TRIM44: variants seen among roughly 807,000 people sequenced by gnomAD.
The protein encoded by TRIM44 is tripartite motif containing 44, also known as tripartite motif-containing protein 44.
In TRIM44, 13 loss-of-function variants were observed where a neutral mutation model predicts 37.4. That is an observed-to-expected ratio of 0.35 (90% CI 0.23 to 0.55). The LOEUF (loss-of-function observed/expected upper bound fraction) is 0.55, where lower values mean the gene tolerates loss of function less well. Ranked by LOEUF, TRIM44 falls within the 20% of genes least tolerant of loss-of-function variation. The pLI is 0.89. For missense variants in TRIM44, 426 were observed against 437.2 expected (o/e 0.97, Z 0.23); for synonymous variants, 175 against 157.2 (o/e 1.11, Z -0.85).
intron 3 of TRIM44, among the ~76,000 whole-genome samples, chr11:35,727,064 A>C (rs1191848462): frequency 1.3e-5 from 2 of 151,792 alleles, no homozygotes; most frequent in Non-Finnish European, 2.9e-5. Context: ...CAGGAGAGGT[A>C]GGAAGATTAC....
intron 2 of TRIM44, among the ~76,000 whole-genome samples, chr11:35,705,307 A>T (rs1433660398): frequency 2.0e-5 from 3 of 152,150 alleles, no homozygotes; most frequent in African/African-American, 7.2e-5. Context: ...CCACACAATA[A>T]TAATGGGAGA....
chr11:35,730,105 G>T (rs921814997), intron 3 of TRIM44, among the ~76,000 whole-genome samples: 1 of 152,318 alleles, frequency 6.6e-6, no homozygotes, highest in Non-Finnish European at 1.5e-5. Flanking sequence ...GAATGTTTCA[G>T]TGAGCAATTA....
chr11:35,743,873 A>G (rs1852449424), intron 4 of TRIM44, among the ~76,000 whole-genome samples: 1 of 152,202 alleles, frequency 6.6e-6, no homozygotes, highest in Non-Finnish European at 1.5e-5. Context: ...TTTCCTCAAG[A>G]TGCCTAATTC....
intron 4 of TRIM44, among the ~76,000 whole-genome samples, chr11:35,797,638 A>G (rs1853310696): frequency 6.6e-6 from 1 of 152,216 alleles, no homozygotes; most frequent in African/African-American, 2.4e-5. Flanking sequence ...GCCCATAACC[A>G]TGGGCTAATT....
intron 4 of TRIM44, among the ~76,000 whole-genome samples, chr11:35,741,267 T>G (rs1483641287): frequency 6.6e-6 from 1 of 152,174 alleles, no homozygotes; most frequent in Non-Finnish European, 1.5e-5. Flanking sequence ...TGACCTTATT[T>G]TTCCATGCTA....
At chr11:35,730,926 T>C (rs1401498486) in intron 3 of TRIM44, among the ~76,000 whole-genome samples, 1 of 150,894 alleles carries the variant, frequency 6.6e-6, no homozygotes, top group African/African-American at 2.4e-5. Flanking sequence ...CTCGGCTCAC[T>C]GCAGATATTA....
intron 3 of TRIM44, among the ~76,000 whole-genome samples, chr11:35,727,803 C>T (rs1332000896): frequency 6.6e-6 from 1 of 152,210 alleles, no homozygotes; most frequent in Non-Finnish European, 1.5e-5. Context: ...TACTATAAGA[C>T]ATATGCTAAG....
intron 2 of TRIM44, among the ~76,000 whole-genome samples, chr11:35,692,651 G>A (rs569383519): frequency 1.3e-5 from 2 of 152,212 alleles, no homozygotes; most frequent in South Asian, 2.1e-4. Flanking sequence ...AGGGCCAGGT[G>A]CGGTGGCTCA....
intron 4 of TRIM44, among the ~76,000 whole-genome samples, chr11:35,794,515 C>T (rs1002995521): frequency 7.9e-5 from 12 of 152,198 alleles, no homozygotes; most frequent in Admixed American, 1.3e-4. Context: ...CCATGGGCCA[C>T]GCCATCCTTT....
At chr11:35,699,751 A>G (rs1427796784) in intron 2 of TRIM44, among the ~76,000 whole-genome samples, 3 of 151,996 alleles carry the variant, frequency 2.0e-5, no homozygotes, top group South Asian at 2.1e-4. Flanking sequence ...CAACTTCAGC[A>G]AAGTCTCAGG....
chr11:35,757,765 T>A (rs1474262941), intron 4 of TRIM44, among the ~76,000 whole-genome samples: 2 of 152,222 alleles, frequency 1.3e-5, no homozygotes, highest in African/African-American at 4.8e-5. Context: ...TACCCAGTAG[T>A]CATTCAGGAG....
At chr11:35,692,131 A>T (rs1041657231) in intron 2 of TRIM44, among the ~76,000 whole-genome samples, 4 of 152,170 alleles carry the variant, frequency 2.6e-5, no homozygotes, top group Non-Finnish European at 5.9e-5. Flanking sequence ...AAGAAGAAAG[A>T]AATAAAATCG....
At chr11:35,780,032 G>A (rs2133871360) in intron 4 of TRIM44, among the ~76,000 whole-genome samples, 1 of 152,132 alleles carries the variant, frequency 6.6e-6, no homozygotes, top group East Asian at 1.9e-4. Flanking sequence ...TTTGAAGTCA[G>A]GTAATATGAT....
chr11:35,815,206 T>G lies in TRIM44; in HGVS notation c.*8821T>G, dbSNP rs1259682904. On this transcript the variant is annotated 3_prime_UTR_variant, in exon 5 of 5. Coordinates refer to ENST00000299413, the MANE Select transcript of TRIM44 (RefSeq NM_017583.6). ...TGAGTCCAAGTATGGTTCTCTGGCT[T>G]GAGGGTGGCCATTTGTTGCCTCACT... is the stretch of plus-strand genomic sequence containing the variant. 6.6e-6 allele frequency: 1 copy of G among 152,198 alleles called. No individual in the cohort carries two copies. Among genetic ancestry groups the G allele is most frequent in the African/African-American group, 2.4e-5 (1 of 41,460 alleles). 9.4% of individuals were successfully genotyped at this position (152,198 alleles called of 1,614,324 possible). A position where few individuals can be genotyped will look rare whatever the true frequency, so the allele number is the denominator to read the frequency against.
At chr11:35,801,129 G>A (rs530935370) in intron 4 of TRIM44, among the ~76,000 whole-genome samples, 1 of 152,330 alleles carries the variant, frequency 6.6e-6, no homozygotes, top group East Asian at 1.9e-4. Context: ...CTGGATCCGA[G>A]TGTTTAGTCT....
chr11:35,805,366 C>T (rs373275170), intron 4 of TRIM44, among the ~76,000 whole-genome samples: 1 of 152,190 alleles, frequency 6.6e-6, no homozygotes, highest in Admixed American at 6.5e-5. Context: ...TGAGTGTGCT[C>T]ATTCCTGCAT....
chr11:35,696,304 G>A (rs903460418), intron 2 of TRIM44, among the ~76,000 whole-genome samples: 2 of 151,548 alleles, frequency 1.3e-5, no homozygotes, highest in Non-Finnish European at 2.9e-5. Flanking sequence ...ACCATGCCCA[G>A]CTAATTTTTT....
At position 35,691,057 on chromosome 11, in the gene TRIM44, C is replaced by T. The variant is rs148849729; in HGVS notation, c.747+5721C>T. On this transcript the variant is annotated intron_variant, in intron 2 of 4. Coordinates refer to ENST00000299413, the MANE Select transcript of TRIM44 (RefSeq NM_017583.6). ...CTGGGATCCTGTGCCATAGCACAGT[C>T]CCCCACAGCTCCAGAGAACCAGGAC... 2.2e-4 allele frequency among the ~76,000 whole-genome samples: 33 copies of T among 152,326 alleles called. No homozygotes were observed. The East Asian group carries it at 6.2e-3, about 29-fold the overall frequency.
In TRIM44 at chr11:35,726,118, G is replaced by A; in HGVS notation, c.942G>A (p.Lys314=). The change falls in exon 3 of 5, where the codon AAG becomes AAA. Residue 314 remains lysine (K), a synonymous_variant. Transcript: ENST00000299413. ...TGATGACTCAGATGGCCCAAGCCAAGGAACAACTTGATACCTCTAATGAAT... is the reference window on the plus strand; with the variant it reads ...TGATGACTCAGATGGCCCAAGCCAAAGAACAACTTGATACCTCTAATGAAT... ...DRLMTQMAQA[K]EQLDTSNESA... is the part of the protein sequence containing the mutation. 6.2e-7 allele frequency: 1 copy of A among 1,614,076 alleles called. No individual in the cohort carries two copies. Among genetic ancestry groups the A allele is most frequent in the East Asian group, 2.2e-5 (1 of 44,872 alleles).
Sources: gnomAD v4.1 joint callset for allele counts (sites outside exome capture counted in the v4.1 genomes callset) on GRCh38, gnomAD v4.1.1 for gene constraint, MANE v1.5 for transcripts, NCBI Gene and HGNC (gene_info 2026-07-23, HGNC 2026-07-21) for gene names.